Variants in IQGAP1 observed in about 807,000 individuals in gnomAD.
IQGAP1 encodes ras GTPase-activating-like protein IQGAP1.
IQGAP1 carries 66 observed loss-of-function variants against 215.6 expected under a neutral mutation model. The ratio of observed to expected loss-of-function variants is 0.31; its 90% CI spans 0.25 to 0.38. The LOEUF is 0.38. Ranked by LOEUF, IQGAP1 falls within the 10% of genes least tolerant of loss-of-function variation. IQGAP1 has a pLI of 1.00. For missense variants in IQGAP1, 1,712 were observed against 1,997.1 expected (o/e 0.86, Z 2.72); for synonymous variants, 772 against 728.7 (o/e 1.06, Z -0.96).
At chr15:90,439,451 T>C (rs1329635346) in intron 6 of IQGAP1, 52 bp downstream of exon 6, 1 of 1,482,958 alleles carries the variant, frequency 6.7e-7, no homozygotes, top group Admixed American at 1.7e-5. Context: ...GGAAATAGCC[T>C]GGAGAGCCAG....
At chr15:90,479,286 C>T (rs942410681) in intron 26 of IQGAP1, among the ~76,000 whole-genome samples, 1 of 152,032 alleles carries the variant, frequency 6.6e-6, no homozygotes, top group African/African-American at 2.4e-5. Context: ...TACATTCTGA[C>T]TCATTGTCTT....
rs1206508237 is a variant in IQGAP1 at position 90,477,967 on chromosome 15, A to G, written c.3329+78A>G. The G allele has an allele frequency of 5.6e-6, 5 of 895,856 alleles. No homozygotes were observed. The East Asian group carries it at 1.3e-4, about 23-fold the overall frequency. The allele number at this position is 895,856 out of a possible 1,614,324, so 55.5% of individuals were successfully genotyped here. A position where few individuals can be genotyped will look rare whatever the true frequency, so the allele number is the denominator to read the frequency against. On this transcript the variant is annotated intron_variant, in intron 26 of 37. Transcript: ENST00000268182. ...TTTTTTCCCCTCTCTTTATTTATAA[A>G]CTAATATTAGTTCAAATAGTTTTTC... is the stretch of plus-strand genomic sequence containing the variant.
At chr15:90,462,557 A>G (rs912904212) in intron 15 of IQGAP1, among the ~76,000 whole-genome samples, 1 of 152,202 alleles carries the variant, frequency 6.6e-6, no homozygotes, top group East Asian at 1.9e-4. Context: ...TATTGGGTCT[A>G]TCATCACACA....
Position 90,422,676 on chromosome 15 carries a change from A to ATGTATATG in IQGAP1, c.156-3433_156-3432insGTATATGT, listed in dbSNP as rs1356822105. 2.4e-3 allele frequency among the ~76,000 whole-genome samples: 299 copies of ATGTATATG among 126,118 alleles called. 4 individuals are homozygous for ATGTATATG. The highest frequency in any genetic ancestry group is 9.6e-3 in the African/African-American group (289 of 30,022). 82.7% of individuals were successfully genotyped at this position (126,118 alleles called of 152,430 possible). A position where few individuals can be genotyped will look rare whatever the true frequency, so the allele number is the denominator to read the frequency against. ...TATATATATGTATATATATATATAT[A>ATGTATATG]TATAATTTTTGAGACAGAGTTTGTA... On this transcript the variant is annotated intron_variant, in intron 2 of 37. Coordinates refer to ENST00000268182, the MANE Select transcript of IQGAP1 (RefSeq NM_003870.4).
intron 2 of IQGAP1, among the ~76,000 whole-genome samples, chr15:90,408,601 C>T (rs1201096096): frequency 6.6e-6 from 1 of 152,004 alleles, no homozygotes; most frequent in Non-Finnish European, 1.5e-5. Flanking sequence ...TTGAAGGTAA[C>T]ATTTGAATTG....
At chr15:90,459,179 A>G (rs1567133338) in intron 15 of IQGAP1, among the ~76,000 whole-genome samples, 1 of 152,188 alleles carries the variant, frequency 6.6e-6, no homozygotes, top group Admixed American at 6.5e-5. Flanking sequence ...TAAGCACTGA[A>G]AAGGAGGTCA....
At chr15:90,389,327 A>T in intron 1 of IQGAP1, among the ~76,000 whole-genome samples, 1 of 148,670 alleles carries the variant, frequency 6.7e-6, no homozygotes, top group Admixed American at 6.7e-5. Context: ...AGACAGTATG[A>T]GCACGGGAGG....
intron 5 of IQGAP1, among the ~76,000 whole-genome samples, chr15:90,434,444 A>T (rs553221452): frequency 1.3e-5 from 2 of 152,026 alleles, no homozygotes; most frequent in African/African-American, 2.4e-5. Flanking sequence ...ATCTAAAAAA[A>T]AATAATAATA....
chr15:90,453,296 G>A lies in IQGAP1; in HGVS notation c.1487+4G>A, dbSNP rs373268303. ...TTGAGGAAGAAAACTGTCAGAGGTG[G>A]GTGTCCAGAGTGAAGGGAATAAATC... On this transcript the variant is annotated splice_donor_region_variant and intron_variant, in intron 13 of 37. Coordinates refer to ENST00000268182, the MANE Select transcript of IQGAP1 (RefSeq NM_003870.4). The A allele has an allele frequency of 8.1e-6, 13 of 1,607,416 alleles. No homozygotes were observed. In the African/African-American group the frequency reaches 1.7e-4, roughly 21 times the overall value.
At chr15:90,432,436 A>G (rs942864464) in intron 4 of IQGAP1, among the ~76,000 whole-genome samples, 1 of 152,158 alleles carries the variant, frequency 6.6e-6, no homozygotes, top group Non-Finnish European at 1.5e-5. Context: ...GTCTCCAGTC[A>G]GATCTCCCCA....
chr15:90,430,436 C>G (rs532662332), intron 4 of IQGAP1, among the ~76,000 whole-genome samples: 2 of 152,158 alleles, frequency 1.3e-5, no homozygotes, highest in South Asian at 2.1e-4. Context: ...GATTTTTTAG[C>G]ATTGATTATG....
At chr15:90,444,388 C>A (rs948269335) in intron 9 of IQGAP1, among the ~76,000 whole-genome samples, 12 of 151,716 alleles carry the variant, frequency 7.9e-5, no homozygotes, top group South Asian at 2.1e-4. Context: ...CTCAAACCAT[C>A]CTTCTGTTTC....
At chr15:90,420,715 CT>C (rs1408224196) in intron 2 of IQGAP1, among the ~76,000 whole-genome samples, 1 of 152,156 alleles carries the variant, frequency 6.6e-6, no homozygotes, top group Admixed American at 6.5e-5. Context: ...AGTGATTTTT[CT>C]TTTGTGCATA....
chr15:90,472,872 C>T lies in IQGAP1; in HGVS notation c.2211C>T (p.Asn737=), dbSNP rs1965924666. The T allele has an allele frequency of 6.2e-7, 1 of 1,613,430 alleles. No homozygotes were observed. The highest frequency in any genetic ancestry group is 1.7e-5 in the Admixed American group (1 of 59,930). Residue 737 remains asparagine, a synonymous_variant, in exon 19 of 38, where the codon AAC becomes AAT. Coordinates refer to ENST00000268182, the MANE Select transcript of IQGAP1 (RefSeq NM_003870.4). ...TCTCTGGGGTGACTGCCGCATATAA[C>T]CGAGAACAGCTGTGGCTGGCCAATG... The part of the protein sequence containing the change: ...SSISGVTAAY[N]REQLWLANEG...
intron 33 of IQGAP1, among the ~76,000 whole-genome samples, chr15:90,488,695 A>C (rs1194172679): frequency 1.3e-5 from 2 of 152,202 alleles, no homozygotes; most frequent in East Asian, 3.8e-4. Context: ...AAGCTTCCTA[A>C]AAGAAGTGGA....
Position 90,466,326 on chromosome 15 carries a change from C to T in IQGAP1, c.1925C>T (p.Thr642Ile), listed in dbSNP as rs144474548. ...EAVESGDVGK[T>I]LSALRSPDVG... Reference sequence around the variant, plus strand: ...GTAGAAAGTGGTGATGTTGGCAAAACACTGAGTGCCCTTCGCTCCCCTGAT... The same window carrying T: ...GTAGAAAGTGGTGATGTTGGCAAAATACTGAGTGCCCTTCGCTCCCCTGAT... The change falls in exon 17 of 38, where the codon ACA (threonine) becomes ATA (isoleucine). Residue 642 changes from threonine to isoleucine, a missense_variant. Coordinates refer to ENST00000268182, the MANE Select transcript of IQGAP1 (RefSeq NM_003870.4). 1.2e-5 allele frequency: 20 copies of T among 1,613,974 alleles called. No individual in the cohort carries two copies. The African/African-American group carries it at 2.7e-4, about 22-fold the overall frequency.
chr15:90,406,381 AGTCTT>A (rs1429275333), intron 2 of IQGAP1, among the ~76,000 whole-genome samples: 1 of 152,168 alleles, frequency 6.6e-6, no homozygotes, highest in Non-Finnish European at 1.5e-5. Flanking sequence ...TAACCAGGAT[AGTCTT>A]GATCTCCTGA....
intron 15 of IQGAP1, among the ~76,000 whole-genome samples, chr15:90,461,004 A>C (rs1965753695): frequency 6.7e-6 from 1 of 148,426 alleles, no homozygotes; most frequent in Non-Finnish European, 1.5e-5. Context: ...GTCTTTAAAA[A>C]AAAAAAAAAA....
At chr15:90,458,809 TC>T (rs1489041951) in intron 15 of IQGAP1, among the ~76,000 whole-genome samples, 1 of 152,192 alleles carries the variant, frequency 6.6e-6, no homozygotes, top group Admixed American at 6.5e-5. Context: ...CTCCACAGCA[TC>T]AAGTGACATT....
Sources: gnomAD v4.1 joint callset for allele counts (sites outside exome capture counted in the v4.1 genomes callset) on GRCh38, gnomAD v4.1.1 for gene constraint, MANE v1.5 for transcripts, NCBI Gene and HGNC (gene_info 2026-07-23, HGNC 2026-07-21) for gene names.